Variants in TNR observed in about 807,000 individuals in gnomAD.
TNR encodes tenascin-R.
Under a neutral mutation model 150.4 loss-of-function variants are expected in TNR, and 45 were observed. The observed-to-expected ratio is 0.30, with a 90% CI of 0.24 to 0.38. The LOEUF (loss-of-function observed/expected upper bound fraction) is 0.38, where lower values mean the gene tolerates loss of function less well. Among genes scored for constraint, TNR ranks in the 10% least tolerant of loss-of-function variants. TNR has a pLI of 1.00. For synonymous variants in TNR, 687 were observed against 678.4 expected (o/e 1.01, Z -0.20); for missense variants, 1,544 against 1,759.1 (o/e 0.88, Z 2.19).
intron 2 of TNR, among the ~76,000 whole-genome samples, chr1:175,510,899 A>G (rs1181405209): frequency 6.6e-6 from 1 of 152,224 alleles, no homozygotes; most frequent in African/African-American, 2.4e-5. Context: ...AAAATTATTC[A>G]GTTCAGAATT....
intron 9 of TNR, among the ~76,000 whole-genome samples, chr1:175,378,886 A>G (rs2859043): frequency 0.66 from 100,992 of 152,096 alleles, 33,676 homozygotes; most frequent in East Asian, 0.82. Flanking sequence ...TACTTTGAAA[A>G]AGTCACTGGA....
At chr1:175,698,064 T>G (rs1190673716) in intron 1 of TNR, among the ~76,000 whole-genome samples, 2 of 152,214 alleles carry the variant, frequency 1.3e-5, no homozygotes, top group African/African-American at 4.8e-5. Context: ...TGTGTTTCTC[T>G]CATTAGCTGG....
chr1:175,681,519 T>C (rs1030173527), intron 1 of TNR, among the ~76,000 whole-genome samples: 1 of 152,208 alleles, frequency 6.6e-6, no homozygotes, highest in African/African-American at 2.4e-5. Context: ...CCATTGATCC[T>C]TCCATAAAGC....
At chr1:175,384,221 C>T (rs1180547245) in intron 8 of TNR, among the ~76,000 whole-genome samples, 1 of 152,190 alleles carries the variant, frequency 6.6e-6, no homozygotes, top group East Asian at 1.9e-4. Context: ...TCATTGTCCA[C>T]AGAAGATACC....
chr1:175,423,372 A>G (rs753506459), intron 2 of TNR, among the ~76,000 whole-genome samples: 3 of 152,136 alleles, frequency 2.0e-5, no homozygotes, highest in Non-Finnish European at 4.4e-5. Context: ...TGAACTGAGC[A>G]GAATTGAGGA....
chr1:175,501,813 T>C (rs1658751089), intron 2 of TNR, among the ~76,000 whole-genome samples: 1 of 152,248 alleles, frequency 6.6e-6, no homozygotes, highest in African/African-American at 2.4e-5. Context: ...CATGTATTCA[T>C]ATTTTCAATC....
Position 175,547,614 on chromosome 1 carries a change from A to T in TNR, c.-164-19245T>A, listed in dbSNP as rs1467561190. On this transcript the variant is annotated intron_variant, in intron 1 of 22. Coordinates refer to ENST00000367674, the MANE Select transcript of TNR (RefSeq NM_003285.3). ...GAAAGAAAGAAAGAAAGAAAGAAAC[A>T]AAGAAACAAAGAAAGAAAGAAAGAG... 3.8e-3 allele frequency among the ~76,000 whole-genome samples: 66 copies of T among 17,428 alleles called. 1 individual carries two copies. The highest frequency in any genetic ancestry group is 8.8e-3 in the African/African-American group (61 of 6,896). The allele number at this position is 17,428 out of a possible 152,430, so 11.4% of individuals were successfully genotyped here.
At chr1:175,709,518 A>C (rs1448028922) in intron 1 of TNR, among the ~76,000 whole-genome samples, 1 of 152,246 alleles carries the variant, frequency 6.6e-6, no homozygotes, top group Non-Finnish European at 1.5e-5. Flanking sequence ...GGGAAGTAAA[A>C]CACATGTGTT....
At chr1:175,733,469 T>C (rs932319759) in intron 1 of TNR, among the ~76,000 whole-genome samples, 1 of 152,154 alleles carries the variant, frequency 6.6e-6, no homozygotes, top group African/African-American at 2.4e-5. Flanking sequence ...CCAGGCCCTC[T>C]TGGGGGCTTT....
chr1:175,638,732 C>T (rs1485400118), intron 1 of TNR, among the ~76,000 whole-genome samples: 1 of 152,138 alleles, frequency 6.6e-6, no homozygotes, highest in African/African-American at 2.4e-5. Context: ...AAAAAAACAC[C>T]AAGTCCAAAT....
At chr1:175,661,701 T>C (rs1028992366) in intron 1 of TNR, among the ~76,000 whole-genome samples, 16 of 152,062 alleles carry the variant, frequency 1.1e-4, no homozygotes, top group African/African-American at 3.9e-4. Flanking sequence ...ATGCCTCCTC[T>C]CCCTGCTCCC....
rs1457318775 is a variant in TNR at position 175,601,499 on chromosome 1, G to A, written c.-164-73130C>T. Among the ~76,000 whole-genome samples, 5 of 152,262 alleles carry A rather than the reference G, an allele frequency of 3.3e-5. No homozygotes were observed. In the South Asian group the frequency reaches 8.3e-4, roughly 25 times the overall value. ...TTCTGGATTTGTAATATTAAAATCT[G>A]TACAATTTTGATAAACACTTAGCCA... On this transcript the variant is annotated intron_variant, in intron 1 of 22. Transcript: ENST00000367674.
At chr1:175,356,178 G>T in intron 16 of TNR, 141 bp downstream of exon 16, 3 of 1,170,746 alleles carry the variant, frequency 2.6e-6, no homozygotes, top group Admixed American at 4.9e-5. Flanking sequence ...ACTGAATTTG[G>T]GCTGTAGTCA....
intron 2 of TNR, among the ~76,000 whole-genome samples, chr1:175,489,219 C>T (rs181582673): frequency 6.6e-6 from 1 of 152,150 alleles, no homozygotes; most frequent in Non-Finnish European, 1.5e-5. Context: ...AACCTAGAAC[C>T]TCTTGAATTC....
chr1:175,405,936 C>A (rs1239113988), intron 3 of TNR, among the ~76,000 whole-genome samples: 1 of 152,156 alleles, frequency 6.6e-6, no homozygotes, highest in Non-Finnish European at 1.5e-5. Flanking sequence ...CCTGACTCAT[C>A]CCCCCAAAAT....
At chr1:175,565,513 G>A (rs1461203678) in intron 1 of TNR, among the ~76,000 whole-genome samples, 1 of 152,206 alleles carries the variant, frequency 6.6e-6, no homozygotes, top group African/African-American at 2.4e-5. Context: ...TTCTCACTGA[G>A]ATCCAACCCT....
At chr1:175,678,563 C>G (rs1462595841) in intron 1 of TNR, among the ~76,000 whole-genome samples, 2 of 152,162 alleles carry the variant, frequency 1.3e-5, no homozygotes, top group Non-Finnish European at 2.9e-5. Flanking sequence ...CCCACCTCCC[C>G]TGTCTGCTTC....
At chr1:175,532,302 G>A (rs1312443584) in intron 1 of TNR, among the ~76,000 whole-genome samples, 7 of 152,194 alleles carry the variant, frequency 4.6e-5, no homozygotes, top group Non-Finnish European at 7.3e-5. Context: ...GGATCAGATT[G>A]TGAACAACCT....
At chr1:175,600,966 C>G (rs763786023) in intron 1 of TNR, among the ~76,000 whole-genome samples, 1 of 152,226 alleles carries the variant, frequency 6.6e-6, no homozygotes, top group Non-Finnish European at 1.5e-5. Flanking sequence ...TCCTCATTCT[C>G]TTTCCTCTAG....
Sources: allele counts gnomAD v4.1 joint callset (sites outside exome capture counted in the v4.1 genomes callset), GRCh38; gene constraint gnomAD v4.1.1; transcripts MANE v1.5; gene names NCBI Gene and HGNC (gene_info 2026-07-23, HGNC 2026-07-21).